ZNF143: variants seen among roughly 807,000 people sequenced by gnomAD.
The protein encoded by ZNF143 is SPH-binding factor.
Under a neutral mutation model 74.1 loss-of-function variants are expected in ZNF143, and 49 were observed. That is an observed-to-expected ratio of 0.66 (90% CI 0.53 to 0.84). The LOEUF (loss-of-function observed/expected upper bound fraction) is 0.84. Ranked by LOEUF, ZNF143 falls within the 40% of genes least tolerant of loss-of-function variation. The probability of loss-of-function intolerance (pLI) is 0.00; values close to 1 mark genes in which losing one functional copy is unlikely to be tolerated. For missense variants in ZNF143, 637 were observed against 793.4 expected (o/e 0.80, Z 2.37); for synonymous variants, 304 against 282.8 (o/e 1.07, Z -0.75).
intron 7 of ZNF143, among the ~76,000 whole-genome samples, chr11:9,481,036 C>G (rs1006018709): frequency 6.6e-6 from 1 of 152,140 alleles, no homozygotes; most frequent in African/African-American, 2.4e-5. Context: ...AGCTTTGATG[C>G]TGTGTGATTC....
At chr11:9,505,680 G>T (rs1002597295) in intron 11 of ZNF143, among the ~76,000 whole-genome samples, 7 of 151,446 alleles carry the variant, frequency 4.6e-5, no homozygotes, top group Non-Finnish European at 7.4e-5. Flanking sequence ...TCAGAGTTTC[G>T]TGACCAGCCT....
At chr11:9,471,942 T>A (rs1856601409) in intron 2 of ZNF143, among the ~76,000 whole-genome samples, 1 of 150,108 alleles carries the variant, frequency 6.7e-6, no homozygotes, top group Non-Finnish European at 1.5e-5. Flanking sequence ...TTTGTTTTTT[T>A]TTTTTGAGAC....
At chr11:9,486,388 A>T (rs867047555) in intron 7 of ZNF143, among the ~76,000 whole-genome samples, 222 of 18,386 alleles carry the variant, frequency 0.012, 4 homozygotes, top group African/African-American at 0.027. Flanking sequence ...TATATATATA[A>T]TATATATAAT....
chr11:9,512,728 T>C, intron 13 of ZNF143, 132 bp downstream of exon 13: 1 of 1,034,950 alleles, frequency 9.7e-7, no homozygotes, highest in Non-Finnish European at 1.4e-6. Flanking sequence ...GGTTTTTCAG[T>C]AGTCTGCTTA....
intron 14 of ZNF143, among the ~76,000 whole-genome samples, chr11:9,522,114 G>A (rs1166921358): frequency 6.6e-6 from 1 of 151,330 alleles, no homozygotes; most frequent in Non-Finnish European, 1.5e-5. Flanking sequence ...ATTCTTAGAG[G>A]AAAATTTCTT....
At chr11:9,501,302 T>C in intron 11 of ZNF143, 32 bp downstream of exon 11, 1 of 1,606,550 alleles carries the variant, frequency 6.2e-7, no homozygotes, top group African/African-American at 1.3e-5. Flanking sequence ...GTCTTTTATC[T>C]TTCAAGGCTC....
intron 7 of ZNF143, among the ~76,000 whole-genome samples, chr11:9,483,501 C>G (rs1451823991): frequency 6.7e-6 from 1 of 148,202 alleles, no homozygotes; most frequent in East Asian, 2.0e-4. Flanking sequence ...TTTTACCATG[C>G]TGGCCAGGCT....
intron 15 of ZNF143, among the ~76,000 whole-genome samples, chr11:9,526,789 G>A (rs114366607): frequency 0.013 from 1,928 of 152,138 alleles, 42 homozygotes; most frequent in African/African-American, 0.044. Flanking sequence ...GGCCAGGCAC[G>A]GCAGGCTGGG....
At chr11:9,472,992 G>A (rs1856674083) in intron 3 of ZNF143, among the ~76,000 whole-genome samples, 1 of 151,758 alleles carries the variant, frequency 6.6e-6, no homozygotes, top group Non-Finnish European at 1.5e-5. Flanking sequence ...AAATTAGTGG[G>A]AGAGAGGAGA....
rs149443857 is a variant in ZNF143 at position 9,476,435 on chromosome 11, C to T, written c.373+1802C>T. ...GTTGCCAGGCTGGAGTGCAGGGACA[C>T]GATCTTGGCTCACTGCAACCTCCGC... is the stretch of plus-strand genomic sequence containing the variant. On this transcript the variant is annotated intron_variant, in intron 5 of 15. Coordinates refer to ENST00000396602, the MANE Select transcript of ZNF143 (RefSeq NM_003442.6). 1.4e-3 allele frequency among the ~76,000 whole-genome samples: 207 copies of T among 152,142 alleles called. 1 individual carries two copies. Among genetic ancestry groups the T allele is most frequent in the African/African-American group, 4.4e-3 (182 of 41,536 alleles).
intron 14 of ZNF143, among the ~76,000 whole-genome samples, chr11:9,520,599 T>G (rs1214975403): frequency 6.6e-6 from 1 of 152,002 alleles, no homozygotes; most frequent in Non-Finnish European, 1.5e-5. Context: ...GAGACCAGCC[T>G]GGCCAGCATG....
chr11:9,518,236 C>G (rs1020292929), intron 14 of ZNF143, among the ~76,000 whole-genome samples: 6 of 152,098 alleles, frequency 3.9e-5, no homozygotes, highest in African/African-American at 1.4e-4. Flanking sequence ...AAGAAGATGG[C>G]TAAAATCAAA....
chr11:9,486,761 C>T (rs1432527471), intron 7 of ZNF143, among the ~76,000 whole-genome samples: 5 of 149,730 alleles, frequency 3.3e-5, no homozygotes, highest in Non-Finnish European at 7.4e-5. Context: ...CTTTGCCACC[C>T]GGGTTCAAGC....
chr11:9,492,737 C>A (rs184498713), intron 7 of ZNF143, among the ~76,000 whole-genome samples: 1 of 152,230 alleles, frequency 6.6e-6, no homozygotes, highest in East Asian at 1.9e-4. Flanking sequence ...GTGACATTTT[C>A]AGGGTGAACC....
intron 13 of ZNF143, among the ~76,000 whole-genome samples, chr11:9,515,068 C>T (rs1447910189): frequency 2.6e-5 from 4 of 151,830 alleles, no homozygotes; most frequent in Non-Finnish European, 5.9e-5. Context: ...GCAGAGGTTG[C>T]GGTGAGCCGA....
intron 1 of ZNF143, chr11:9,461,704 C>T (rs1464970429): frequency 2.0e-5 from 3 of 152,014 alleles, no homozygotes; most frequent in Non-Finnish European, 4.4e-5. Flanking sequence ...TTTTATCCTC[C>T]CTTTTCTCCA....
chr11:9,501,092 A>T lies in ZNF143; in HGVS notation c.969A>T (p.Gly323=), dbSNP rs1848141691. The change falls in exon 11 of 16, where the codon GGA becomes GGT. Residue 323 remains glycine (G), a splice_region_variant and synonymous_variant. Coordinates refer to ENST00000396602, the MANE Select transcript of ZNF143 (RefSeq NM_003442.6). The part of the protein sequence containing the change: ...DLQKHIRTHT[G]ERPFKCPFEG... ...ATGTATTACCCTTTATATTTGCAGG[A>T]GAAAGGCCCTTTAAGTGTCCCTTCG... 6.2e-7 allele frequency: 1 copy of T among 1,614,030 alleles called. No individual in the cohort carries two copies. The highest frequency in any genetic ancestry group is 8.5e-7 in the Non-Finnish European group (1 of 1,180,010).
chr11:9,464,659 C>A (rs890030988), intron 1 of ZNF143, among the ~76,000 whole-genome samples: 2 of 151,982 alleles, frequency 1.3e-5, no homozygotes, highest in Non-Finnish European at 2.9e-5. Flanking sequence ...ATAATGCTCA[C>A]GCCTGTAATC....
In ZNF143 at chr11:9,512,487, A is replaced by G. The variant is rs768197412; in HGVS notation, c.1415A>G (p.Tyr472Cys). 3.7e-6 allele frequency: 6 copies of G among 1,614,248 alleles called. No homozygotes were observed. The Admixed American group carries it at 5.0e-5, about 13-fold the overall frequency. Residue 472 changes from tyrosine (Y) to cysteine (C), a missense_variant, in exon 13 of 16, where the codon TAT becomes TGT. Physicochemically the swap from Tyr to Cys is radical, Grantham distance 194. This residue lies in a region of ZNF143 where 344 missense variants were observed against 485.6 expected (regional missense o/e 0.71). Transcript: ENST00000396602. ...EDVLKGSQIT[Y>C]VTGVEGDDVV... is the part of the protein sequence containing the mutation. Reference sequence around the variant, plus strand: ...GTTCTTAAAGGGTCCCAGATTACGTATGTTACAGGTGTAGAAGGGGACGAC... The same window carrying G: ...GTTCTTAAAGGGTCCCAGATTACGTGTGTTACAGGTGTAGAAGGGGACGAC...
Sources: allele counts gnomAD v4.1 joint callset (sites outside exome capture counted in the v4.1 genomes callset), GRCh38; gene constraint gnomAD v4.1.1; regional missense constraint gnomAD v4.1.1; transcripts MANE v1.5; gene names NCBI Gene and HGNC (gene_info 2026-07-23, HGNC 2026-07-21).